Variants in GRM7 observed in about 807,000 individuals in gnomAD.
The protein encoded by GRM7 is metabotropic glutamate receptor 7.
In GRM7, 35 loss-of-function variants were observed where a neutral mutation model predicts 84.5. The ratio of observed to expected loss-of-function variants is 0.41; its 90% CI spans 0.32 to 0.55. The LOEUF (loss-of-function observed/expected upper bound fraction) is 0.55. Ranked by LOEUF, GRM7 falls within the 20% of genes least tolerant of loss-of-function variation. The probability of loss-of-function intolerance (pLI) is 0.19; values close to 1 mark genes in which losing one functional copy is unlikely to be tolerated. For synonymous variants in GRM7, 487 were observed against 455.1 expected (o/e 1.07, Z -0.89); for missense variants, 1,003 against 1,194.6 (o/e 0.84, Z 2.36).
chr3:7,551,648 T>G (rs1693485231), intron 7 of GRM7, among the ~76,000 whole-genome samples: 1 of 151,518 alleles, frequency 6.6e-6, no homozygotes, highest in African/African-American at 2.4e-5. Flanking sequence ...ATGACAATGC[T>G]TCTGCCTAGT....
At chr3:7,667,924 A>AT (rs1559475654) in intron 8 of GRM7, among the ~76,000 whole-genome samples, 1 of 151,428 alleles carries the variant, frequency 6.6e-6, no homozygotes, top group Non-Finnish European at 1.5e-5. Context: ...CAACCATTTC[A>AT]TTTTTCTATT....
At chr3:7,403,135 C>A in intron 4 of GRM7, 1 of 445,676 alleles carries the variant, frequency 2.2e-6, no homozygotes, top group Non-Finnish European at 4.5e-6. Flanking sequence ...CAATAATTTT[C>A]TGACAAGTTT....
chr3:7,728,020 T>G lies in GRM7; in HGVS notation c.2699-12337T>G, dbSNP rs77334207. ...TCTTCTCTTTTCCTAGCCAGGAATCTTTCTGGTTTCCTCTCCTTTGAGCCC... is the reference window on the plus strand; with the variant it reads ...TCTTCTCTTTTCCTAGCCAGGAATCGTTCTGGTTTCCTCTCCTTTGAGCCC... On this transcript the variant is annotated intron_variant, in intron 9 of 9. Transcript: ENST00000357716. 5.5e-4 allele frequency among the ~76,000 whole-genome samples: 84 copies of G among 152,320 alleles called. 1 individual carries two copies. The East Asian group carries it at 0.015, about 27-fold the overall frequency.
rs564890741 is a variant in GRM7, at chr3:7,324,820, A to G, written c.1033+18168A>G. 9.2e-5 allele frequency among the ~76,000 whole-genome samples: 14 copies of G among 152,146 alleles called. No individual in the cohort carries two copies. In the South Asian group the frequency reaches 2.5e-3, roughly 27 times the overall value. ...GTGTTGAGTCATAGACAAATCTCCA[A>G]TATCAGCAAATTCTCTTGTATCCAG... On this transcript the variant is annotated intron_variant, in intron 4 of 9. Coordinates refer to ENST00000357716, the MANE Select transcript of GRM7 (RefSeq NM_000844.4).
intron 4 of GRM7, among the ~76,000 whole-genome samples, chr3:7,319,147 A>T (rs1333322620): frequency 6.6e-6 from 1 of 152,080 alleles, no homozygotes; most frequent in Non-Finnish European, 1.5e-5. Context: ...GAATCAGACA[A>T]AAAACATCAG....
chr3:7,270,155 A>T lies in GRM7; in HGVS notation c.737-28529A>T, dbSNP rs562018648. Among the ~76,000 whole-genome samples the T allele has an allele frequency of 7.9e-4, 120 of 152,320 alleles. 1 individual carries two copies. The highest frequency in any genetic ancestry group is 2.8e-3 in the African/African-American group (117 of 41,580). The stretch of plus-strand genomic sequence containing the variant: ...TGATCTGGGAAAGCCACACTTTGAG[A>T]ACCAATGCTTTAAATCTTAGCATGT... On this transcript the variant is annotated intron_variant, in intron 2 of 9. Transcript: ENST00000357716.
intron 1 of GRM7, among the ~76,000 whole-genome samples, chr3:6,963,572 C>T (rs989964090): frequency 4.1e-5 from 6 of 147,088 alleles, no homozygotes; most frequent in East Asian, 2.0e-4. Context: ...TTACAGTGAG[C>T]CCTCCAGCCT....
intron 2 of GRM7, among the ~76,000 whole-genome samples, chr3:7,245,369 G>A (rs1215149608): frequency 6.6e-6 from 1 of 151,856 alleles, no homozygotes; most frequent in East Asian, 1.9e-4. Context: ...CAAACTAGGG[G>A]AAATCTATGA....
At chr3:7,118,873 T>C (rs1421150695) in intron 1 of GRM7, among the ~76,000 whole-genome samples, 1 of 152,166 alleles carries the variant, frequency 6.6e-6, no homozygotes, top group Non-Finnish European at 1.5e-5. Context: ...CCAAAATCTT[T>C]CCACATTTAC....
intron 1 of GRM7, among the ~76,000 whole-genome samples, chr3:7,071,852 T>C (rs1299023710): frequency 1.3e-5 from 2 of 152,176 alleles, no homozygotes; most frequent in African/African-American, 4.8e-5. Flanking sequence ...GTTTTGTCTA[T>C]AGTAGCATTA....
At chr3:7,365,229 T>G (rs1396577042) in intron 4 of GRM7, among the ~76,000 whole-genome samples, 1 of 151,850 alleles carries the variant, frequency 6.6e-6, no homozygotes, top group African/African-American at 2.4e-5. Flanking sequence ...CTTTTGTTCT[T>G]TGTGATTTCT....
chr3:7,328,457 C>G (rs555080562), intron 4 of GRM7, among the ~76,000 whole-genome samples: 3 of 152,250 alleles, frequency 2.0e-5, no homozygotes, highest in African/African-American at 7.2e-5. Context: ...GAGTTCTGGC[C>G]CATAGGATGC....
chr3:7,516,500 AAAAAAGAAAT>A (rs1700393958), intron 7 of GRM7, among the ~76,000 whole-genome samples: 2 of 147,408 alleles, frequency 1.4e-5, no homozygotes, highest in Non-Finnish European at 3.0e-5. Flanking sequence ...AAAAAAAAAA[AAAAAAGAAAT>A]AGTTAGTTCA....
intron 1 of GRM7, among the ~76,000 whole-genome samples, chr3:6,890,852 A>G (rs1390979195): frequency 1.3e-5 from 2 of 151,922 alleles, no homozygotes; most frequent in Non-Finnish European, 2.9e-5. Context: ...TCCCATTATT[A>G]TTGTGTGGGA....
At chr3:7,237,324 G>T (rs1193484413) in intron 2 of GRM7, among the ~76,000 whole-genome samples, 1 of 152,142 alleles carries the variant, frequency 6.6e-6, no homozygotes, top group Non-Finnish European at 1.5e-5. Context: ...AAATCCTGTA[G>T]AATAGCTAGT....
At chr3:7,286,434 A>T (rs1371074496) in intron 2 of GRM7, among the ~76,000 whole-genome samples, 1 of 152,210 alleles carries the variant, frequency 6.6e-6, no homozygotes, top group Non-Finnish European at 1.5e-5. Flanking sequence ...CTAATGTGAA[A>T]TGCTGTTTAT....
In GRM7 at chr3:7,701,556, G is replaced by T. The variant is rs138822455; in HGVS notation, c.2698+21261G>T. The stretch of plus-strand genomic sequence containing the variant: ...CTGACCTCGTGATCCACTCGCCTCG[G>T]CCCCCCAAAGTGCGGGATTACAGGT... On this transcript the variant is annotated intron_variant, in intron 9 of 9. Transcript: ENST00000357716. Among the ~76,000 whole-genome samples the T allele has an allele frequency of 4.5e-3, 691 of 152,082 alleles. 16 individuals carry two copies. In the East Asian group the frequency reaches 0.091, roughly 20 times the overall value.
intron 4 of GRM7, among the ~76,000 whole-genome samples, chr3:7,310,373 T>C (rs1458525232): frequency 6.6e-6 from 1 of 152,196 alleles, no homozygotes; most frequent in Non-Finnish European, 1.5e-5. Context: ...TTAAAAATAA[T>C]AGTAATTTTT....
At chr3:7,033,823 G>A (rs1696279066) in intron 1 of GRM7, among the ~76,000 whole-genome samples, 1 of 152,164 alleles carries the variant, frequency 6.6e-6, no homozygotes, top group Non-Finnish European at 1.5e-5. Context: ...CACCCTAGCA[G>A]AGGGTCTCAG....
Sources: allele counts gnomAD v4.1 joint callset (sites outside exome capture counted in the v4.1 genomes callset), GRCh38; gene constraint gnomAD v4.1.1; transcripts MANE v1.5; gene names NCBI Gene and HGNC (gene_info 2026-07-23, HGNC 2026-07-21).